PTPRD: variants seen among roughly 807,000 people sequenced by gnomAD.
PTPRD encodes the protein protein tyrosine phosphatase receptor type D, also known as receptor-type tyrosine-protein phosphatase delta.
A neutral mutation model predicts 214.5 loss-of-function variants in PTPRD; 34 were observed. The observed-to-expected ratio is 0.16, with a 90% confidence interval of 0.12 to 0.21. PTPRD has a LOEUF of 0.21. Among genes scored for constraint, PTPRD ranks in the 10% least tolerant of loss-of-function variants. PTPRD has a pLI of 1.00. For missense variants in PTPRD, 2,545 were observed against 2,398.7 expected (o/e 1.06, Z -1.27); for synonymous variants, 1,128 against 845.7 (o/e 1.33, Z -5.79).
At chr9:9,089,897 G>A (rs766925408) in intron 10 of PTPRD, among the ~76,000 whole-genome samples, 6 of 152,118 alleles carry the variant, frequency 3.9e-5, no homozygotes, top group Non-Finnish European at 7.4e-5. Flanking sequence ...AAAATGAAAA[G>A]AGACAAGTTT....
intron 2 of PTPRD, among the ~76,000 whole-genome samples, chr9:10,593,908 T>A (rs1215018915): frequency 6.6e-6 from 1 of 152,010 alleles, no homozygotes; most frequent in African/African-American, 2.4e-5. Context: ...TGCTTTCTCT[T>A]TTCATACAAA....
chr9:8,507,513 TA>T, intron 21 of PTPRD, 79 bp from the exon 22 acceptor site: 1 of 1,560,876 alleles, frequency 6.4e-7, no homozygotes, highest in Non-Finnish European at 8.8e-7. Flanking sequence ...GTAACCTGCT[TA>T]AACCTTTCGA....
chr9:10,221,785 G>GTT (rs148340533), intron 3 of PTPRD, among the ~76,000 whole-genome samples: 2,757 of 148,280 alleles, frequency 0.019, 76 homozygotes, highest in African/African-American at 0.063. Flanking sequence ...CTAAAAAACT[G>GTT]TTTTTTTTTT....
chr9:9,839,334 G>A (rs1222392661), intron 5 of PTPRD, among the ~76,000 whole-genome samples: 1 of 152,082 alleles, frequency 6.6e-6, no homozygotes, highest in Admixed American at 6.6e-5. Flanking sequence ...TCCTTAAGCT[G>A]ATAAGCAAAT....
At chr9:10,382,167 T>G (rs1348183958) in intron 2 of PTPRD, among the ~76,000 whole-genome samples, 1 of 151,938 alleles carries the variant, frequency 6.6e-6, no homozygotes, top group East Asian at 1.9e-4. Context: ...GATGCCAAAC[T>G]GATCTTTCTA....
At chr9:9,943,390 C>T (rs1415270655) in intron 4 of PTPRD, among the ~76,000 whole-genome samples, 16 of 152,070 alleles carry the variant, frequency 1.1e-4, no homozygotes, top group Non-Finnish European at 7.4e-5. Flanking sequence ...TGTATCACAA[C>T]GTCAGGTCAG....
At chr9:9,628,998 C>G (rs993501408) in intron 7 of PTPRD, among the ~76,000 whole-genome samples, 3 of 151,368 alleles carry the variant, frequency 2.0e-5, no homozygotes, top group African/African-American at 7.3e-5. Context: ...ATGGTGAAAC[C>G]CCATCTCTAC....
intron 11 of PTPRD, among the ~76,000 whole-genome samples, chr9:8,935,508 T>C (rs1588392495): frequency 6.6e-6 from 1 of 152,180 alleles, no homozygotes; most frequent in South Asian, 2.1e-4. Context: ...TAAAATATCA[T>C]CCAAAGAGAA....
At chr9:10,459,140 C>T (rs1012392327) in intron 2 of PTPRD, among the ~76,000 whole-genome samples, 4 of 152,134 alleles carry the variant, frequency 2.6e-5, no homozygotes, top group Admixed American at 2.6e-4. Context: ...TGAGTAAGAA[C>T]ATCTGGTGTT....
chr9:10,482,040 A>G (rs755296449), intron 2 of PTPRD, among the ~76,000 whole-genome samples: 5 of 152,178 alleles, frequency 3.3e-5, no homozygotes, highest in Non-Finnish European at 7.3e-5. Context: ...GAAATATAAA[A>G]AAGTGAATAA....
At chr9:10,566,920 C>A (rs148135731) in intron 2 of PTPRD, among the ~76,000 whole-genome samples, 1 of 152,050 alleles carries the variant, frequency 6.6e-6, no homozygotes, top group Admixed American at 6.6e-5. Context: ...TAAAACATTT[C>A]TTTTCATTTT....
intron 5 of PTPRD, among the ~76,000 whole-genome samples, chr9:9,918,064 T>C (rs1478859154): frequency 6.6e-6 from 1 of 151,694 alleles, no homozygotes; most frequent in Non-Finnish European, 1.5e-5. Context: ...CCAGAACAAT[T>C]AGGCAAGAGA....
chr9:8,920,873 G>C (rs1025572957), intron 11 of PTPRD, among the ~76,000 whole-genome samples: 16 of 152,058 alleles, frequency 1.1e-4, no homozygotes, highest in Non-Finnish European at 2.4e-4. Context: ...CAGTGCAGTG[G>C]TGCAATCTCG....
chr9:10,067,920 G>A (rs1164694384), intron 3 of PTPRD, among the ~76,000 whole-genome samples: 1 of 151,928 alleles, frequency 6.6e-6, no homozygotes, highest in Non-Finnish European at 1.5e-5. Flanking sequence ...ATCTACCCAT[G>A]TGATGTTACT....
intron 8 of PTPRD, among the ~76,000 whole-genome samples, chr9:9,445,973 G>A (rs2144820470): frequency 6.6e-6 from 1 of 152,206 alleles, no homozygotes; most frequent in South Asian, 2.1e-4. Context: ...AAACAATTTA[G>A]GCAAGCTTTT....
chr9:9,926,751 G>T (rs1311230798), intron 5 of PTPRD, among the ~76,000 whole-genome samples: 2 of 152,114 alleles, frequency 1.3e-5, no homozygotes, highest in Non-Finnish European at 2.9e-5. Flanking sequence ...AACTACTTAT[G>T]CAAGTGTTTT....
chr9:10,361,095 G>T (rs557965080), intron 2 of PTPRD, among the ~76,000 whole-genome samples: 1 of 152,132 alleles, frequency 6.6e-6, no homozygotes, highest in Non-Finnish European at 1.5e-5. Flanking sequence ...GCGAGACTCT[G>T]TCTCAAAAAC....
intron 12 of PTPRD, among the ~76,000 whole-genome samples, chr9:8,723,252 T>C (rs1598000534): frequency 6.6e-6 from 1 of 152,250 alleles, no homozygotes; most frequent in East Asian, 1.9e-4. Flanking sequence ...ACTCCATTTT[T>C]TCATAGCTGG....
rs1025244644 is a variant in PTPRD at position 9,863,412 on chromosome 9, G to A, written c.-368+75095C>T. Among the ~76,000 whole-genome samples the A allele has an allele frequency of 2.0e-4, 30 of 152,190 alleles. 1 individual carries two copies. Among genetic ancestry groups the A allele is most frequent in the Non-Finnish European group, 5.9e-5 (4 of 68,028 alleles). ...AAATCAAGAATGTAAGAGTGAGCAT[G>A]TTTGGGGGCAAGGAGGGTATAGTGA... is the stretch of plus-strand genomic sequence containing the variant. On this transcript the variant is annotated intron_variant, in intron 5 of 45. Transcript: ENST00000381196.
Sources: gnomAD v4.1 joint callset for allele counts (sites outside exome capture counted in the v4.1 genomes callset) on GRCh38, gnomAD v4.1.1 for gene constraint, MANE v1.5 for transcripts, NCBI Gene and HGNC (gene_info 2026-07-23, HGNC 2026-07-21) for gene names.